Variants in TVP23C observed in about 807,000 individuals in gnomAD.
TVP23C encodes the protein trans-golgi network vesicle protein 23 homolog C.
TVP23C carries 19 observed loss-of-function variants against 28.7 expected under a neutral mutation model. That is an observed-to-expected ratio of 0.66 (90% CI 0.46 to 0.97). The LOEUF is 0.97. TVP23C is among the 50% of genes least tolerant of loss of function. TVP23C has a pLI of 0.00. For synonymous variants in TVP23C, 68 were observed against 81.7 expected, an observed-to-expected ratio of 0.83 and a Z score of 0.90; for missense variants, 186 against 241.3, an observed-to-expected ratio of 0.77 and a Z score of 1.52.
rs1597529694 is a variant in TVP23C, at chr17:15,538,574, G to A, written c.*1838C>T. On this transcript the variant is annotated 3_prime_UTR_variant, in exon 6 of 6. Transcript: ENST00000518321. The stretch of plus-strand genomic sequence containing the variant: ...CACTGCACTCCAGCCTGGGCAAACA[G>A]AGTGAGACTCTGTCTCAAAAAAAAT... The A allele has an allele frequency of 1.2e-5, 12 of 973,126 alleles. No homozygotes were observed. Among genetic ancestry groups the A allele is most frequent in the Non-Finnish European group, 1.5e-5 (12 of 819,094 alleles). The allele number at this position is 973,126 out of a possible 1,614,324, so 60.3% of individuals were successfully genotyped here. A position where few individuals can be genotyped will look rare whatever the true frequency, so the allele number is the denominator to read the frequency against.
downstream of TVP23C, among the ~76,000 whole-genome samples, chr17:15,534,659 A>T (rs1442244225): frequency 6.6e-6 from 1 of 150,924 alleles, no homozygotes; most frequent in African/African-American, 2.5e-5. Context: ...ACTCTGGGGG[A>T]TGTAGAATTA....
At chr17:15,543,295 T>TA (rs1171637929) in intron 5 of TVP23C, among the ~76,000 whole-genome samples, 7 of 149,642 alleles carry the variant, frequency 4.7e-5, no homozygotes, top group African/African-American at 1.5e-4. Flanking sequence ...TCACCCGCAC[T>TA]AAACCAGCAG....
At position 15,538,361 on chromosome 17, in the gene TVP23C, A is replaced by C. The variant is rs1188106979; in HGVS notation, c.*2051T>G. The C allele has an allele frequency of 2.3e-6, 2 of 852,544 alleles. No homozygotes were observed. Among genetic ancestry groups the C allele is most frequent in the Non-Finnish European group, 2.8e-6 (2 of 709,202 alleles). 52.8% of individuals were successfully genotyped at this position (852,544 alleles called of 1,614,324 possible). A position where few individuals can be genotyped will look rare whatever the true frequency, so the allele number is the denominator to read the frequency against. ...ATCCCAGCACTTTGGGAGGCCGAGG[A>C]GGGTGGATCATGAGGTCAGGAGATC... On this transcript the variant is annotated 3_prime_UTR_variant, in exon 6 of 6. Transcript: ENST00000518321.
At chr17:15,549,335 A>G (rs1983786343) in intron 3 of TVP23C, among the ~76,000 whole-genome samples, 1 of 152,204 alleles carries the variant, frequency 6.6e-6, no homozygotes, top group African/African-American at 2.4e-5. Flanking sequence ...GGTTTGCTCA[A>G]GTAAAAAAAT....
chr17:15,548,411 C>G (rs1349461678), intron 3 of TVP23C, among the ~76,000 whole-genome samples: 1 of 152,164 alleles, frequency 6.6e-6, no homozygotes, highest in Admixed American at 6.5e-5. Context: ...GTGATTCACC[C>G]GCCTTGGCCT....
chr17:15,514,274 G>T (rs1015933880), intron 5 of TVP23C, among the ~76,000 whole-genome samples: 2 of 151,996 alleles, frequency 1.3e-5, no homozygotes, highest in Non-Finnish European at 2.9e-5. Flanking sequence ...CAAATCAAAC[G>T]ACAAGTAAGT....
rs532061659 is a variant in TVP23C, at chr17:15,560,806, G to A, written c.12+2631C>T. On this transcript the variant is annotated intron_variant, in intron 1 of 5. Transcript: ENST00000518321. ...CCTGACCTCGTGATCCACCCGCCTC[G>A]GCCTCCCAAAGTGCTGGGATTACAG... is the stretch of plus-strand genomic sequence containing the variant. Among the ~76,000 whole-genome samples the A allele has an allele frequency of 1.5e-3, 218 of 149,724 alleles. 3 individuals are homozygous for A. Among genetic ancestry groups the A allele is most frequent in the African/African-American group, 4.9e-3 (201 of 41,342 alleles).
chr17:15,562,147 T>C (rs1431852628), intron 1 of TVP23C: 5 of 152,200 alleles, frequency 3.3e-5, no homozygotes, highest in African/African-American at 1.2e-4. Flanking sequence ...TAGCCATTCC[T>C]TTACTTTCTT....
intron 1 of TVP23C, among the ~76,000 whole-genome samples, chr17:15,561,131 T>A (rs1984363751): frequency 6.6e-6 from 1 of 152,152 alleles, no homozygotes; most frequent in South Asian, 2.1e-4. Context: ...CGGCTTCCAT[T>A]TTCAGTGAAA....
At chr17:15,508,194 A>T (rs1157029598) in intron 5 of TVP23C, among the ~76,000 whole-genome samples, 1 of 152,140 alleles carries the variant, frequency 6.6e-6, no homozygotes, top group Non-Finnish European at 1.5e-5. Context: ...GGTTGAAGGC[A>T]TCTCTCAGTT....
In TVP23C at chr17:15,555,440, T is replaced by C. The variant is rs1167777442; in HGVS notation, c.13-76A>G. 6 of 1,571,918 alleles carry C rather than the reference T, an allele frequency of 3.8e-6. No individual in the cohort carries two copies. In the East Asian group the frequency reaches 1.3e-4, roughly 35 times the overall value. ...ACAGCCACTGCAATGCAAAGCTGCA[T>C]ACTCATCAAAATAGAAGATAAAATA... On this transcript the variant is annotated intron_variant, in intron 1 of 5. Coordinates refer to ENST00000518321, the MANE Select transcript of TVP23C (RefSeq NM_001135036.2).
At chr17:15,522,996 G>A (rs1231613364) in intron 5 of TVP23C, among the ~76,000 whole-genome samples, 3 of 151,862 alleles carry the variant, frequency 2.0e-5, no homozygotes, top group Admixed American at 6.6e-5. Flanking sequence ...TGTTAAAAGT[G>A]AAGTTATAGA....
chr17:15,502,808 T>C (rs905890315), exon 6 of TVP23C: 3 of 1,415,584 alleles, frequency 2.1e-6, no homozygotes, highest in African/African-American at 1.9e-5. Flanking sequence ...CTCCTCTCTC[T>C]CCTCTCTCTC....
chr17:15,514,656 A>G (rs190391760), intron 5 of TVP23C, among the ~76,000 whole-genome samples: 30 of 152,360 alleles, frequency 2.0e-4, no homozygotes, highest in Admixed American at 1.4e-3. Context: ...CAAAACTGGT[A>G]AAACGGAGAG....
intron 5 of TVP23C, among the ~76,000 whole-genome samples, chr17:15,525,456 T>C (rs1240187935): frequency 1.3e-5 from 2 of 152,260 alleles, no homozygotes; most frequent in Non-Finnish European, 1.5e-5. Context: ...TAAAACAGAT[T>C]GCTCTTTTAC....
chr17:15,561,622 GAATGAATGAATAAATA>G (rs1253436185), intron 1 of TVP23C, among the ~76,000 whole-genome samples: 63 of 107,808 alleles, frequency 5.8e-4, no homozygotes, highest in Middle Eastern at 4.8e-3. Flanking sequence ...ATGAATGAAT[GAATGAATGAATAAATA>G]AATAAATAAA....
chr17:15,521,961 A>T (rs1051736719), intron 5 of TVP23C, among the ~76,000 whole-genome samples: 3 of 152,190 alleles, frequency 2.0e-5, no homozygotes, highest in Non-Finnish European at 4.4e-5. Flanking sequence ...CAAACCACAC[A>T]TTTAAAGTTT....
intron 1 of TVP23C, chr17:15,563,035 C>T (rs903384578): frequency 4.6e-5 from 12 of 260,208 alleles, no homozygotes; most frequent in African/African-American, 2.0e-4. Context: ...TTGGAAACAG[C>T]AATTTGAAAG....
chr17:15,502,703 C>T (rs1352237649), exon 6 of TVP23C: 3 of 1,182,328 alleles, frequency 2.5e-6, no homozygotes, highest in Non-Finnish European at 2.2e-6. Context: ...CCTGTTCGTT[C>T]GTTCTTTCTC....
Sources: allele counts gnomAD v4.1 joint callset (sites outside exome capture counted in the v4.1 genomes callset), GRCh38; gene constraint gnomAD v4.1.1; transcripts MANE v1.5; gene names NCBI Gene and HGNC (gene_info 2026-07-23, HGNC 2026-07-21).